PLEKHM1: variants seen among roughly 807,000 people sequenced by gnomAD.
PLEKHM1 encodes the protein pleckstrin homology domain-containing family M member 1.
In PLEKHM1, 28 loss-of-function variants were observed where a neutral mutation model predicts 94.3. That is an observed-to-expected ratio of 0.30 (90% CI 0.22 to 0.41). The LOEUF is 0.41. Among genes scored for constraint, PLEKHM1 ranks in the 10% least tolerant of loss-of-function variants. PLEKHM1 has a pLI of 1.00. For synonymous variants in PLEKHM1, 424 were observed against 581.2 expected (o/e 0.73, Z 3.89); for missense variants, 907 against 1,358.6 (o/e 0.67, Z 5.22).
At chr17:45,478,853 T>C (rs1000932230) in intron 2 of PLEKHM1, among the ~76,000 whole-genome samples, 1 of 151,884 alleles carries the variant, frequency 6.6e-6, no homozygotes, top group African/African-American at 2.4e-5. Flanking sequence ...ATCCTAGGCC[T>C]GGAAGCCAGA....
rs1364359214 is a variant in PLEKHM1 at position 45,437,203 on chromosome 17, C to T, written c.*655G>A. On this transcript the variant is annotated 3_prime_UTR_variant, in exon 12 of 12. Coordinates refer to ENST00000430334, the MANE Select transcript of PLEKHM1 (RefSeq NM_014798.3). The surrounding 1 kb of genome is among the most constrained non-coding windows in gnomAD (Gnocchi z 4.0). ...ACTGGGGTGGGGAGTAAAGAGGACACAGAGGAACCGGGGTCGCCAGGACTG... is the reference window on the plus strand; with the variant it reads ...ACTGGGGTGGGGAGTAAAGAGGACATAGAGGAACCGGGGTCGCCAGGACTG... The T allele has an allele frequency of 6.6e-6, 3 of 452,752 alleles. No individual in the cohort carries two copies. The highest frequency in any genetic ancestry group is 1.4e-4 in the East Asian group (2 of 14,360). The allele number at this position is 452,752 out of a possible 1,614,324, so 28.0% of individuals were successfully genotyped here.
chr17:45,485,832 C>T (rs572975988), intron 1 of PLEKHM1, among the ~76,000 whole-genome samples: 88 of 151,962 alleles, frequency 5.8e-4, no homozygotes, highest in African/African-American at 1.9e-3. Flanking sequence ...GGCAGGAGAA[C>T]CACTTGAACC....
At chr17:45,443,023 T>G (rs1381039378) in intron 9 of PLEKHM1, among the ~76,000 whole-genome samples, 5 of 152,218 alleles carry the variant, frequency 3.3e-5, no homozygotes, top group Non-Finnish European at 5.9e-5. Flanking sequence ...TGTGTGTGGA[T>G]GGAGTGAGGT....
chr17:45,442,729 C>T (rs969058614), intron 9 of PLEKHM1, among the ~76,000 whole-genome samples: 1 of 152,096 alleles, frequency 6.6e-6, no homozygotes, highest in African/African-American at 2.4e-5. Context: ...TTTTCTAAGC[C>T]GCTGACCGGA....
At chr17:45,447,149 C>T (rs1335007712) in intron 8 of PLEKHM1, among the ~76,000 whole-genome samples, 1 of 152,198 alleles carries the variant, frequency 6.6e-6, no homozygotes, top group East Asian at 1.9e-4. Flanking sequence ...CCTGGTGTGG[C>T]CCTGTTGTCC....
chr17:45,480,374 C>T (rs578112114), intron 2 of PLEKHM1, among the ~76,000 whole-genome samples: 5 of 152,210 alleles, frequency 3.3e-5, no homozygotes, highest in African/African-American at 1.2e-4. Context: ...ATCCCAGCTA[C>T]TTGGGAGGCA....
chr17:45,481,961 G>A (rs948848641), intron 2 of PLEKHM1, among the ~76,000 whole-genome samples: 3 of 152,122 alleles, frequency 2.0e-5, no homozygotes, highest in African/African-American at 4.8e-5. Context: ...TAGCCCAGGA[G>A]GGTGCAAAGG....
chr17:45,448,545 AC>A (rs1288931817), intron 8 of PLEKHM1, among the ~76,000 whole-genome samples: 1 of 152,088 alleles, frequency 6.6e-6, no homozygotes, highest in Non-Finnish European at 1.5e-5. Context: ...CCAAATTTGC[AC>A]CCCTTGAGGC....
chr17:45,457,485 G>T (rs572280520), intron 6 of PLEKHM1, among the ~76,000 whole-genome samples: 1 of 151,730 alleles, frequency 6.6e-6, no homozygotes, highest in Non-Finnish European at 1.5e-5. Flanking sequence ...GCTTGAACAC[G>T]GGAGGCGGAG....
chr17:45,473,700 A>C (rs1012475054), intron 4 of PLEKHM1, among the ~76,000 whole-genome samples: 5 of 151,668 alleles, frequency 3.3e-5, no homozygotes, highest in Non-Finnish European at 5.9e-5. Flanking sequence ...CTGGGACTTC[A>C]GGCGCCCGCC....
chr17:45,454,175 C>G lies in PLEKHM1; in HGVS notation c.1677G>C (p.Pro559=), dbSNP rs557499144. Residue 559 remains proline (P), a synonymous_variant, in exon 7 of 12, where the codon CCG becomes CCC. Transcript: ENST00000430334. The part of the protein sequence containing the change: ...IWKELFCELS[P]LEFRLYLSNE... ...TGCTCAGGTAGAGGCGGAACTCCAG[C>G]GGGGAGAGCTCGCAGAAGAGCTCCT... 1 of 1,613,758 alleles carries G rather than the reference C, an allele frequency of 6.2e-7. No homozygotes were observed. Among genetic ancestry groups the G allele is most frequent in the South Asian group, 1.1e-5 (1 of 91,072 alleles).
intron 8 of PLEKHM1, among the ~76,000 whole-genome samples, chr17:45,446,907 G>T (rs2050623549): frequency 6.6e-6 from 1 of 152,150 alleles, no homozygotes; most frequent in African/African-American, 2.4e-5. Flanking sequence ...GTAAAATGGG[G>T]AAAATGAGAG....
chr17:45,451,730 C>T (rs1391580132), intron 7 of PLEKHM1, among the ~76,000 whole-genome samples: 2 of 152,014 alleles, frequency 1.3e-5, no homozygotes, highest in African/African-American at 2.4e-5. Context: ...AACCCAAACT[C>T]CCCGGTGGCA....
At chr17:45,456,864 A>C (rs892619264) in intron 6 of PLEKHM1, among the ~76,000 whole-genome samples, 1 of 152,244 alleles carries the variant, frequency 6.6e-6, no homozygotes, top group African/African-American at 2.4e-5. Context: ...CAGTGTGTGG[A>C]GATCAAGCTG....
At chr17:45,456,956 T>C (rs8075717) in intron 6 of PLEKHM1, among the ~76,000 whole-genome samples, 70,417 of 151,364 alleles carry the variant, frequency 0.47, 17,113 homozygotes, top group South Asian at 0.59. Context: ...CCAAGGTGGG[T>C]GGATCACATG....
At chr17:45,478,920 T>A (rs1323778190) in intron 2 of PLEKHM1, among the ~76,000 whole-genome samples, 1 of 152,100 alleles carries the variant, frequency 6.6e-6, no homozygotes, top group Non-Finnish European at 1.5e-5. Flanking sequence ...GACATTCCAC[T>A]TAACCGCTTT....
intron 8 of PLEKHM1, among the ~76,000 whole-genome samples, chr17:45,449,780 A>G (rs2050716508): frequency 6.6e-6 from 1 of 150,744 alleles, no homozygotes; most frequent in South Asian, 2.1e-4. Context: ...CTGCTCATTC[A>G]CCTACCTACC....
intron 9 of PLEKHM1, among the ~76,000 whole-genome samples, chr17:45,443,925 A>C (rs2050524209): frequency 6.6e-6 from 1 of 152,136 alleles, no homozygotes; most frequent in African/African-American, 2.4e-5. Flanking sequence ...AGGGTCCCAC[A>C]TGGTGGTCCC....
In PLEKHM1 at chr17:45,453,785, C is replaced by T. The variant is rs1185259167; in HGVS notation, c.2067G>A (p.Leu689=). 9 of 1,613,984 alleles carry T rather than the reference C, an allele frequency of 5.6e-6. No homozygotes were observed. The South Asian group carries it at 8.8e-5, about 16-fold the overall frequency. ...VPEPDAIKES[L]LYLYMDRTWM... The stretch of plus-strand genomic sequence containing the variant: ...AGGTCCTGTCCATGTACAAGTACAG[C>T]AGGGACTCCTTGATGGCATCTGGCT... The change falls in exon 7 of 12, where the codon CTG becomes CTA. Residue 689 remains leucine (L), a synonymous_variant. Coordinates refer to ENST00000430334, the MANE Select transcript of PLEKHM1 (RefSeq NM_014798.3). The surrounding 1 kb of genome is among the most constrained non-coding windows in gnomAD (Gnocchi z 4.1).
Sources: allele counts gnomAD v4.1 joint callset (sites outside exome capture counted in the v4.1 genomes callset), GRCh38; gene constraint gnomAD v4.1.1; non-coding constraint Gnocchi (gnomAD v3.1); transcripts MANE v1.5; gene names NCBI Gene and HGNC (gene_info 2026-07-23, HGNC 2026-07-21).